Variants in OCA2 observed in about 807,000 individuals in gnomAD.
OCA2 encodes P protein.
Under a neutral mutation model 100.2 loss-of-function variants are expected in OCA2, and 77 were observed. That is an observed-to-expected ratio of 0.77 (90% CI 0.64 to 0.93). OCA2 has a LOEUF of 0.93. OCA2 is among the 40% of genes least tolerant of loss of function. The pLI is 0.00. For missense variants in OCA2, 1,062 were observed against 1,089.1 expected, an observed-to-expected ratio of 0.98 and a Z score of 0.35; for synonymous variants, 432 against 439.2, an observed-to-expected ratio of 0.98 and a Z score of 0.21.
intron 9 of OCA2, among the ~76,000 whole-genome samples, chr15:28,006,508 T>C (rs959064060): frequency 6.6e-6 from 1 of 152,370 alleles, no homozygotes; most frequent in South Asian, 2.1e-4. Context: ...CATGGCCCAG[T>C]GGCCAGAAGA....
intron 22 of OCA2, among the ~76,000 whole-genome samples, chr15:27,849,768 T>C (rs1351965636): frequency 6.6e-6 from 1 of 150,882 alleles, no homozygotes; most frequent in African/African-American, 2.5e-5. Context: ...TGAATGTCCC[T>C]AATGCCACTG....
At chr15:27,781,785 T>G (rs983560615) in intron 23 of OCA2, among the ~76,000 whole-genome samples, 3 of 152,176 alleles carry the variant, frequency 2.0e-5, no homozygotes, top group African/African-American at 7.2e-5. Context: ...AGCCTAAAGG[T>G]AACGTACATA....
intron 12 of OCA2, 49 bp from the exon 13 acceptor site, chr15:27,985,237 T>C (rs1478949855): frequency 1.9e-6 from 3 of 1,609,288 alleles, no homozygotes; most frequent in Non-Finnish European, 2.5e-6. Flanking sequence ...AGCAGGCTCG[T>C]AGAACAGAGG....
In OCA2 at chr15:28,043,166, G is replaced by C. The variant is rs1471473510; in HGVS notation, c.228-11003C>G. Among the ~76,000 whole-genome samples, 1 of 152,144 alleles carries C rather than the reference G, an allele frequency of 6.6e-6. No individual in the cohort carries two copies. Among genetic ancestry groups the C allele is most frequent in the Non-Finnish European group, 1.5e-5 (1 of 68,016 alleles). On this transcript the variant is annotated intron_variant, in intron 2 of 23. Coordinates refer to ENST00000354638, the MANE Select transcript of OCA2 (RefSeq NM_000275.3). The surrounding 1 kb of genome is among the most constrained non-coding windows in gnomAD (Gnocchi z 4.4). ...GAAATATTTACAGGAGCAATTTTAG[G>C]ATTACTTGGATGTAAGAACATCACC...
At chr15:28,074,476 C>T (rs2044363945) in intron 2 of OCA2, among the ~76,000 whole-genome samples, 1 of 152,086 alleles carries the variant, frequency 6.6e-6, no homozygotes, top group African/African-American at 2.4e-5. Context: ...AGATCGAGAC[C>T]ATCCTGGCGA....
chr15:27,746,500 CT>C, the OCA2 span, among the ~76,000 whole-genome samples: 7 of 151,820 alleles, frequency 4.6e-5, no homozygotes, highest in Non-Finnish European at 8.8e-5. Flanking sequence ...ATAAATAGAA[CT>C]TTTTTCCCCC....
At chr15:27,932,151 T>A (rs1322218467) in intron 18 of OCA2, among the ~76,000 whole-genome samples, 1 of 152,260 alleles carries the variant, frequency 6.6e-6, no homozygotes, top group East Asian at 1.9e-4. Context: ...ATATGGGGAC[T>A]GAGAGAAGGT....
At chr15:28,045,647 T>C (rs1309831447) in intron 2 of OCA2, among the ~76,000 whole-genome samples, 1 of 152,086 alleles carries the variant, frequency 6.6e-6, no homozygotes, top group East Asian at 1.9e-4. Flanking sequence ...ACTCAACATA[T>C]CAGGGCCACT....
At chr15:28,096,785 G>C (rs1300032995) in intron 1 of OCA2, among the ~76,000 whole-genome samples, 6 of 152,152 alleles carry the variant, frequency 3.9e-5, no homozygotes, top group Non-Finnish European at 8.8e-5. Context: ...GGCGGGGCCC[G>C]GGAGAGGGCC....
chr15:27,908,119 C>T (rs1173542757), intron 19 of OCA2, among the ~76,000 whole-genome samples: 1 of 151,978 alleles, frequency 6.6e-6, no homozygotes, highest in African/African-American at 2.4e-5. Flanking sequence ...TAATAAATAT[C>T]AATGCCAAAT....
At chr15:27,913,276 G>A (rs1449625954) in intron 19 of OCA2, among the ~76,000 whole-genome samples, 1 of 151,792 alleles carries the variant, frequency 6.6e-6, no homozygotes. Context: ...TTGGGTGATG[G>A]GTAAATGTGG....
In OCA2 at chr15:28,022,513, G is replaced by A. The variant is rs748448103; in HGVS notation, c.634C>T (p.Leu212=). ...KLWQLLALSP[L]ENYSVNLSSH... Reference sequence around the variant, plus strand: ...GGATTTTGGATACAGTAGTTCTCCAGCGGTGATAAGGCCAACAGCTGCCAG... The same window carrying A: ...GGATTTTGGATACAGTAGTTCTCCAACGGTGATAAGGCCAACAGCTGCCAG... The change falls in exon 6 of 24, where the codon CTG becomes TTG. Residue 212 remains leucine, a synonymous_variant. Transcript: ENST00000354638. 6.2e-7 allele frequency: 1 copy of A among 1,613,060 alleles called. No individual in the cohort carries two copies. Among genetic ancestry groups the A allele is most frequent in the South Asian group, 1.1e-5 (1 of 91,074 alleles).
chr15:27,811,216 C>G (rs1157917296), intron 23 of OCA2, among the ~76,000 whole-genome samples: 1 of 151,956 alleles, frequency 6.6e-6, no homozygotes, highest in African/African-American at 2.4e-5. Context: ...TTTGCAGCTA[C>G]TTGGATGGAG....
intron 23 of OCA2, among the ~76,000 whole-genome samples, chr15:27,842,646 A>C (rs1396648067): frequency 2.0e-5 from 3 of 152,180 alleles, no homozygotes; most frequent in Admixed American, 1.3e-4. Flanking sequence ...AGGCAAAAAC[A>C]AGGAAGGAAC....
At chr15:27,799,435 A>G (rs1007151477) in intron 23 of OCA2, among the ~76,000 whole-genome samples, 1 of 152,260 alleles carries the variant, frequency 6.6e-6, no homozygotes, top group African/African-American at 2.4e-5. Flanking sequence ...TCGAGTGGTC[A>G]AAATTGCCTG....
intron 18 of OCA2, among the ~76,000 whole-genome samples, chr15:27,929,905 C>T (rs2039185386): frequency 6.6e-6 from 1 of 151,460 alleles, no homozygotes; most frequent in Non-Finnish European, 1.5e-5. Context: ...TATCACTAGC[C>T]ATTAGGGAAA....
At chr15:27,775,063 C>CGTGTGTGTGTGTGTGTGT (rs66465683) in intron 23 of OCA2, among the ~76,000 whole-genome samples, 1 of 142,938 alleles carries the variant, frequency 7.0e-6, no homozygotes, top group Non-Finnish European at 1.5e-5. Flanking sequence ...TTTTAGAACT[C>CGTGTGTGTGTGTGTGTGT]GTGTGTGTGT....
intron 1 of OCA2, among the ~76,000 whole-genome samples, chr15:28,085,219 C>T (rs1054082491): frequency 1.2e-4 from 18 of 152,162 alleles, no homozygotes; most frequent in African/African-American, 2.4e-4. Context: ...AGACAGTGTA[C>T]GCGCCTGCTC....
intron 23 of OCA2, among the ~76,000 whole-genome samples, chr15:27,796,585 A>C (rs2033348873): frequency 6.6e-6 from 1 of 152,046 alleles, no homozygotes; most frequent in Non-Finnish European, 1.5e-5. Flanking sequence ...AACAGGTCTA[A>C]GCACGGAGTC....
Sources: allele counts gnomAD v4.1 joint callset (sites outside exome capture counted in the v4.1 genomes callset), GRCh38; gene constraint gnomAD v4.1.1; non-coding constraint Gnocchi (gnomAD v3.1); transcripts MANE v1.5; gene names NCBI Gene and HGNC (gene_info 2026-07-23, HGNC 2026-07-21).